The following SOAT1 variants were observed in gnomAD, a reference collection of about 807,000 sequenced individuals.
SOAT1 encodes the protein acyl-coenzyme A:cholesterol acyltransferase 1.
SOAT1 carries 55 observed loss-of-function variants against 69.5 expected under a neutral mutation model. The ratio of observed to expected loss-of-function variants is 0.79; its 90% CI spans 0.64 to 0.99. The LOEUF (loss-of-function observed/expected upper bound fraction) is 0.99. Among genes scored for constraint, SOAT1 ranks in the 50% least tolerant of loss-of-function variants. The probability of loss-of-function intolerance (pLI) is 0.00; values close to 1 mark genes in which losing one functional copy is unlikely to be tolerated. For missense variants in SOAT1, 580 were observed against 669.3 expected (o/e 0.87, Z 1.47); for synonymous variants, 231 against 224.7 (o/e 1.03, Z -0.25).
chr1:179,320,404 T>G (rs1665554625), intron 2 of SOAT1, among the ~76,000 whole-genome samples: 2 of 152,292 alleles, frequency 1.3e-5, no homozygotes, highest in East Asian at 3.9e-4. Flanking sequence ...TATGTGTCTA[T>G]CTCTAAAATT....
At chr1:179,326,396 T>G (rs1193902903) in intron 3 of SOAT1, among the ~76,000 whole-genome samples, 1 of 152,202 alleles carries the variant, frequency 6.6e-6, no homozygotes, top group African/African-American at 2.4e-5. Context: ...CTATATACTC[T>G]ATATGTATTA....
chr1:179,321,370 A>G (rs1318573364), intron 2 of SOAT1, among the ~76,000 whole-genome samples: 1 of 151,986 alleles, frequency 6.6e-6, no homozygotes, highest in Non-Finnish European at 1.5e-5. Context: ...GGGTCTTGCT[A>G]CATTGCCCAT....
intron 2 of SOAT1, among the ~76,000 whole-genome samples, chr1:179,305,685 T>C (rs747996375): frequency 1.2e-4 from 18 of 152,230 alleles, no homozygotes; most frequent in Non-Finnish European, 2.2e-4. Flanking sequence ...CTCCTTCTTA[T>C]GTTCCCACCA....
chr1:179,315,680 T>C (rs1201512343), intron 2 of SOAT1, among the ~76,000 whole-genome samples: 1 of 152,218 alleles, frequency 6.6e-6, no homozygotes, highest in Non-Finnish European at 1.5e-5. Context: ...CTTCAGAGAC[T>C]CTGTGAACAA....
In SOAT1 at chr1:179,337,714, G is replaced by T. The variant is rs13306724; in HGVS notation, c.330-123G>T. Reference sequence around the variant, plus strand: ...GTGGCGGGCATCTGTAATCCTAGTAGTGAAAAGGTCATTGGTCAATTAATG... The same window carrying T: ...GTGGCGGGCATCTGTAATCCTAGTATTGAAAAGGTCATTGGTCAATTAATG... On this transcript the variant is annotated intron_variant, in intron 4 of 15. Transcript: ENST00000367619. 2.6e-4 allele frequency: 162 copies of T among 611,466 alleles called. No individual in the cohort carries two copies. In the East Asian group the frequency reaches 4.7e-3, roughly 18 times the overall value. The allele number at this position is 611,466 out of a possible 1,614,324, so 37.9% of individuals were successfully genotyped here.
intron 3 of SOAT1, among the ~76,000 whole-genome samples, chr1:179,327,387 T>C (rs1426909720): frequency 6.6e-6 from 1 of 152,214 alleles, no homozygotes; most frequent in Non-Finnish European, 1.5e-5. Context: ...TTGCACTAGT[T>C]GTCTCCAAGG....
intron 1 of SOAT1, among the ~76,000 whole-genome samples, chr1:179,301,985 AC>A (rs1464862999): frequency 1.4e-5 from 2 of 147,242 alleles, no homozygotes; most frequent in Non-Finnish European, 3.0e-5. Context: ...ATCATACTCC[AC>A]CCTGTGGCAT....
At chr1:179,333,538 T>C (rs1001637249) in intron 3 of SOAT1, among the ~76,000 whole-genome samples, 4 of 151,464 alleles carry the variant, frequency 2.6e-5, no homozygotes, top group Admixed American at 6.6e-5. Context: ...CACATCTCTA[T>C]TTAAAAAGGT....
At chr1:179,345,783 C>A (rs533535555) in intron 11 of SOAT1, among the ~76,000 whole-genome samples, 6 of 152,214 alleles carry the variant, frequency 3.9e-5, no homozygotes, top group African/African-American at 1.4e-4. Flanking sequence ...CTCCTGGGCT[C>A]AAGTTATCCT....
At chr1:179,329,674 C>T (rs61824368) in intron 3 of SOAT1, among the ~76,000 whole-genome samples, 31,434 of 150,164 alleles carry the variant, frequency 0.21, 4,103 homozygotes, top group East Asian at 0.34. Flanking sequence ...GAGATCACAC[C>T]ACTGCACTCC....
chr1:179,344,892 G>T (rs574153881), intron 10 of SOAT1, 55 bp from the exon 11 acceptor site: 1 of 1,587,834 alleles, frequency 6.3e-7, no homozygotes, highest in African/African-American at 1.4e-5. Flanking sequence ...GAAAAAAATC[G>T]CCTTCCATCT....
At chr1:179,353,478 G>A (rs1422865753) in intron 15 of SOAT1, 107 bp from the exon 16 acceptor site, 8 of 942,834 alleles carry the variant, frequency 8.5e-6, no homozygotes, top group Non-Finnish European at 1.4e-5. Flanking sequence ...ATGGTGGGAG[G>A]CATTTTAGAG....
intron 2 of SOAT1, among the ~76,000 whole-genome samples, chr1:179,316,923 CAG>C (rs1158147993): frequency 6.6e-6 from 1 of 151,842 alleles, no homozygotes; most frequent in Non-Finnish European, 1.5e-5. Context: ...ACCATAAAAA[CAG>C]AGTAATAGGG....
At chr1:179,353,221 ATATC>A (rs1666806617) in intron 15 of SOAT1, among the ~76,000 whole-genome samples, 1 of 72,264 alleles carries the variant, frequency 1.4e-5, no homozygotes, top group African/African-American at 4.6e-5. Flanking sequence ...ATATATATAT[ATATC>A]TATTTGTCGT....
intron 2 of SOAT1, among the ~76,000 whole-genome samples, chr1:179,314,696 G>T (rs1398611885): frequency 6.6e-6 from 1 of 152,102 alleles, no homozygotes; most frequent in Non-Finnish European, 1.5e-5. Flanking sequence ...AAAGTGCTGG[G>T]ATGATAATAG....
At chr1:179,322,433 C>T (rs922257613) in intron 2 of SOAT1, among the ~76,000 whole-genome samples, 2 of 151,512 alleles carry the variant, frequency 1.3e-5, no homozygotes, top group African/African-American at 2.4e-5. Flanking sequence ...TCCAGGCTGG[C>T]GTGCAGTGGC....
intron 13 of SOAT1, among the ~76,000 whole-genome samples, chr1:179,349,717 A>G (rs1336910230): frequency 1.3e-5 from 2 of 152,200 alleles, no homozygotes; most frequent in African/African-American, 4.8e-5. Context: ...TTTAGAGCAG[A>G]ATATACTTAG....
intron 3 of SOAT1, among the ~76,000 whole-genome samples, chr1:179,333,738 C>T (rs1467961833): frequency 6.6e-6 from 1 of 150,580 alleles, no homozygotes; most frequent in African/African-American, 2.4e-5. Context: ...GAGGCTAAGG[C>T]AAGAGAATTG....
intron 13 of SOAT1, among the ~76,000 whole-genome samples, chr1:179,349,895 G>A (rs915346529): frequency 2.0e-5 from 3 of 152,084 alleles, no homozygotes; most frequent in Non-Finnish European, 4.4e-5. Context: ...TTTCACATAC[G>A]GATAAGGCAA....
Sources: allele counts gnomAD v4.1 joint callset (sites outside exome capture counted in the v4.1 genomes callset), GRCh38; gene constraint gnomAD v4.1.1; transcripts MANE v1.5; gene names NCBI Gene and HGNC (gene_info 2026-07-23, HGNC 2026-07-21).